The following TBCE variants were observed in gnomAD, a reference collection of about 807,000 sequenced individuals.
The protein encoded by TBCE is tubulin folding cofactor E.
In TBCE, 53 loss-of-function variants were observed where a neutral mutation model predicts 77.0. The ratio of observed to expected loss-of-function variants is 0.69; its 90% CI spans 0.55 to 0.87. The LOEUF is 0.87. Among genes scored for constraint, TBCE ranks in the 40% least tolerant of loss-of-function variants. The pLI is 0.00. For missense variants in TBCE, 624 were observed against 622.4 expected (o/e 1.00, Z -0.03); for synonymous variants, 235 against 241.3 (o/e 0.97, Z 0.24).
intron 5 of TBCE, among the ~76,000 whole-genome samples, chr1:235,420,100 G>T (rs1680316739): frequency 6.6e-6 from 1 of 152,084 alleles, no homozygotes; most frequent in Non-Finnish European, 1.5e-5. Flanking sequence ...AAGAAAGGGG[G>T]CACACTTGTT....
chr1:235,428,272 C>A (rs553569020), intron 6 of TBCE, among the ~76,000 whole-genome samples: 1 of 150,584 alleles, frequency 6.6e-6, no homozygotes, highest in Admixed American at 6.6e-5. Flanking sequence ...TGCAGTGAGC[C>A]GAGATTGTGC....
At chr1:235,398,982 C>A (rs1558360471) in intron 2 of TBCE, among the ~76,000 whole-genome samples, 1 of 150,144 alleles carries the variant, frequency 6.7e-6, no homozygotes, top group East Asian at 2.0e-4. Flanking sequence ...GAGACAGAGT[C>A]TCCCTCTGTC....
chr1:235,405,723 A>G (rs772480541), intron 3 of TBCE, among the ~76,000 whole-genome samples: 1 of 152,180 alleles, frequency 6.6e-6, no homozygotes, highest in Non-Finnish European at 1.5e-5. Context: ...TAACATAGCC[A>G]TTTATTATCA....
intron 2 of TBCE, among the ~76,000 whole-genome samples, chr1:235,396,547 G>GT (rs1187106026): frequency 2.0e-5 from 3 of 152,116 alleles, no homozygotes; most frequent in African/African-American, 7.2e-5. Context: ...TCTATTTTTA[G>GT]TTTTTTGAGG....
chr1:235,427,283 ATCTCTCC>A, intron 6 of TBCE, 44 bp downstream of exon 6: 1 of 1,402,008 alleles, frequency 7.1e-7, no homozygotes, highest in Non-Finnish European at 1.0e-6. Flanking sequence ...AATAAAGCTC[ATCTCTCC>A]TTGCTTCCTC....
At chr1:235,405,655 G>C (rs1679383007) in intron 3 of TBCE, among the ~76,000 whole-genome samples, 1 of 151,768 alleles carries the variant, frequency 6.6e-6, no homozygotes, top group Non-Finnish European at 1.5e-5. Flanking sequence ...AGAAAAAATA[G>C]AAGGAGTACA....
At chr1:235,379,201 T>A (rs1267596600) in intron 1 of TBCE, among the ~76,000 whole-genome samples, 1 of 152,146 alleles carries the variant, frequency 6.6e-6, no homozygotes, top group Non-Finnish European at 1.5e-5. Flanking sequence ...TTTCATGCTA[T>A]CAGTTATAAG....
intron 7 of TBCE, among the ~76,000 whole-genome samples, chr1:235,432,447 G>A (rs114010840): frequency 5.6e-4 from 86 of 152,282 alleles, no homozygotes; most frequent in African/African-American, 2.0e-3. Context: ...TCTGTGAGGC[G>A]CTTACTCCCT....
intron 2 of TBCE, among the ~76,000 whole-genome samples, chr1:235,400,140 A>G (rs1466170846): frequency 2.6e-5 from 4 of 152,138 alleles, no homozygotes; most frequent in African/African-American, 7.2e-5. Flanking sequence ...TTTTGGACCC[A>G]TGAAAGACCT....
chr1:235,410,941 G>T (rs1168637253), intron 3 of TBCE, among the ~76,000 whole-genome samples: 1 of 152,162 alleles, frequency 6.6e-6, no homozygotes, highest in East Asian at 1.9e-4. Flanking sequence ...TTCAGTTTAA[G>T]AAAACATTTA....
chr1:235,440,184 A>C (rs940181206), intron 13 of TBCE, among the ~76,000 whole-genome samples: 1 of 151,828 alleles, frequency 6.6e-6, no homozygotes, highest in Admixed American at 6.6e-5. Context: ...GTTAGCCAGG[A>C]TGGTCTCGAT....
chr1:235,390,213 G>C (rs961924441), intron 2 of TBCE, among the ~76,000 whole-genome samples: 8 of 152,066 alleles, frequency 5.3e-5, no homozygotes, highest in African/African-American at 7.2e-5. Flanking sequence ...TCCTGTGATA[G>C]CATCATACAA....
chr1:235,380,255 T>C lies in TBCE; in HGVS notation c.100+106T>C, dbSNP rs187533788. ...CTGTGTAAGCTTCTCAGTAGCACTT[T>C]ATACCACAAATTTTGACGAAATTAA... On this transcript the variant is annotated intron_variant, in intron 2 of 16. Coordinates refer to ENST00000642610, the MANE Select transcript of TBCE (RefSeq NM_003193.5). 1.3e-4 allele frequency: 143 copies of C among 1,122,848 alleles called. No individual in the cohort carries two copies. The African/African-American group carries it at 1.9e-3, about 15-fold the overall frequency. The allele number at this position is 1,122,848 out of a possible 1,614,324, so 69.6% of individuals were successfully genotyped here.
intron 7 of TBCE, among the ~76,000 whole-genome samples, chr1:235,431,787 G>A (rs534796070): frequency 7.1e-6 from 1 of 141,552 alleles, no homozygotes; most frequent in African/African-American, 2.7e-5. Context: ...ATTCTTCCGC[G>A]TCAGCCTCTC....
At chr1:235,438,068 C>G (rs760702064) in intron 12 of TBCE, among the ~76,000 whole-genome samples, 1 of 152,172 alleles carries the variant, frequency 6.6e-6, no homozygotes, top group Non-Finnish European at 1.5e-5. Context: ...GCTTTCTCCT[C>G]CCCTTCTCAG....
At chr1:235,381,303 A>T (rs982325596) in intron 2 of TBCE, among the ~76,000 whole-genome samples, 28 of 152,176 alleles carry the variant, frequency 1.8e-4, no homozygotes, top group African/African-American at 6.5e-4. Context: ...TAATGAGACT[A>T]GAATCTAATG....
At chr1:235,389,788 T>C (rs1378892071) in intron 2 of TBCE, among the ~76,000 whole-genome samples, 2 of 152,192 alleles carry the variant, frequency 1.3e-5, no homozygotes, top group South Asian at 4.1e-4. Flanking sequence ...GACCAGTTAA[T>C]CGTGCATATT....
intron 2 of TBCE, among the ~76,000 whole-genome samples, chr1:235,385,365 C>G (rs552115211): frequency 0.014 from 2,160 of 151,924 alleles, 14 homozygotes; most frequent in African/African-American, 0.022. Flanking sequence ...CAATTCCTGG[C>G]TATCCTTGTT....
chr1:235,442,962 G>T (rs1681996664), intron 15 of TBCE, 51 bp downstream of exon 15: 5 of 1,582,844 alleles, frequency 3.2e-6, no homozygotes, highest in Non-Finnish European at 4.3e-6. Flanking sequence ...ATCGGCCTAG[G>T]TATGAGTCAG....
Sources: gnomAD v4.1 joint callset for allele counts (sites outside exome capture counted in the v4.1 genomes callset) on GRCh38, gnomAD v4.1.1 for gene constraint, MANE v1.5 for transcripts, NCBI Gene and HGNC (gene_info 2026-07-23, HGNC 2026-07-21) for gene names.